The following PTPRD variants were observed in gnomAD, a reference collection of about 807,000 sequenced individuals.
PTPRD encodes the protein protein tyrosine phosphatase receptor type D.
Under a neutral mutation model 214.5 loss-of-function variants are expected in PTPRD, and 34 were observed. The ratio of observed to expected loss-of-function variants is 0.16; its 90% CI spans 0.12 to 0.21. The LOEUF is 0.21. Ranked by LOEUF, PTPRD falls within the 10% of genes least tolerant of loss-of-function variation. The probability of loss-of-function intolerance (pLI) is 1.00; values close to 1 mark genes in which losing one functional copy is unlikely to be tolerated. For synonymous variants in PTPRD, 1,128 were observed against 845.7 expected (o/e 1.33, Z -5.79); for missense variants, 2,545 against 2,398.7 (o/e 1.06, Z -1.27).
At chr9:9,575,742 AAAAAGAAAGAAAG>A (rs2088392246) in intron 7 of PTPRD, among the ~76,000 whole-genome samples, 3 of 140,698 alleles carry the variant, frequency 2.1e-5, no homozygotes, top group Middle Eastern at 3.5e-3. Flanking sequence ...AAAAAAAAAA[AAAAAGAAAGAAAG>A]AAAAAGAAAA....
chr9:8,385,612 A>G (rs1477179166), intron 37 of PTPRD, among the ~76,000 whole-genome samples: 2 of 152,218 alleles, frequency 1.3e-5, no homozygotes, highest in African/African-American at 2.4e-5. Context: ...AGCACCATAA[A>G]ATAACCAAAA....
chr9:9,353,216 A>T (rs558129539), intron 9 of PTPRD, among the ~76,000 whole-genome samples: 1 of 151,872 alleles, frequency 6.6e-6, no homozygotes, highest in African/African-American at 2.4e-5. Context: ...AAAGTGCCAA[A>T]ATATTTTAAT....
chr9:8,488,224 T>C (rs1000721375), intron 27 of PTPRD, among the ~76,000 whole-genome samples: 4 of 152,152 alleles, frequency 2.6e-5, no homozygotes, highest in Admixed American at 2.6e-4. Flanking sequence ...TTTCAGAAAG[T>C]GAAACCCAAG....
chr9:10,032,404 C>G (rs940091331), intron 4 of PTPRD, among the ~76,000 whole-genome samples: 13 of 152,128 alleles, frequency 8.5e-5, no homozygotes, highest in African/African-American at 3.1e-4. Flanking sequence ...TGGAGATATT[C>G]TATGGGACAC....
At chr9:9,567,708 T>G (rs1477097868) in intron 8 of PTPRD, among the ~76,000 whole-genome samples, 1 of 151,974 alleles carries the variant, frequency 6.6e-6, no homozygotes, top group Non-Finnish European at 1.5e-5. Flanking sequence ...GGAACTTGAA[T>G]TTTTTATCCC....
At chr9:9,993,789 T>G (rs2096031049) in intron 4 of PTPRD, among the ~76,000 whole-genome samples, 1 of 152,188 alleles carries the variant, frequency 6.6e-6, no homozygotes, top group Non-Finnish European at 1.5e-5. Flanking sequence ...ATTTTTCTGT[T>G]ATACTTGAAT....
intron 7 of PTPRD, among the ~76,000 whole-genome samples, chr9:9,698,230 A>G (rs917725164): frequency 2.6e-5 from 4 of 152,158 alleles, no homozygotes; most frequent in South Asian, 2.1e-4. Flanking sequence ...CTTCCCATCA[A>G]AGGACTAGTC....
At chr9:10,505,367 G>A (rs556233117) in intron 2 of PTPRD, among the ~76,000 whole-genome samples, 2 of 152,210 alleles carry the variant, frequency 1.3e-5, no homozygotes, top group South Asian at 4.2e-4. Context: ...TCATGAAAGA[G>A]CTGCATAAAA....
At chr9:8,865,551 T>C (rs932965968) in intron 11 of PTPRD, among the ~76,000 whole-genome samples, 6 of 152,206 alleles carry the variant, frequency 3.9e-5, no homozygotes, top group Admixed American at 1.3e-4. Context: ...TCCTGGGCTC[T>C]CATTCTTTTC....
At chr9:8,909,774 T>C (rs1178966083) in intron 11 of PTPRD, among the ~76,000 whole-genome samples, 2 of 138,864 alleles carry the variant, frequency 1.4e-5, no homozygotes, top group African/African-American at 2.7e-5. Flanking sequence ...GAGACAGAGA[T>C]AGAGATAGAG....
intron 11 of PTPRD, among the ~76,000 whole-genome samples, chr9:8,824,434 G>A (rs2097136708): frequency 6.6e-6 from 1 of 152,116 alleles, no homozygotes; most frequent in African/African-American, 2.4e-5. Context: ...GAAGAGCTTC[G>A]TTAGAAAGTG....
chr9:9,132,871 T>C (rs1358922995), intron 10 of PTPRD, among the ~76,000 whole-genome samples: 1 of 152,208 alleles, frequency 6.6e-6, no homozygotes, highest in Non-Finnish European at 1.5e-5. Flanking sequence ...GATTAAGTGC[T>C]ATATAAAAGA....
chr9:9,792,100 C>G (rs1218487138), intron 5 of PTPRD, among the ~76,000 whole-genome samples: 2 of 143,722 alleles, frequency 1.4e-5, no homozygotes, highest in Admixed American at 1.4e-4. Context: ...ATTTGGAGGC[C>G]AGTGAGATTT....
chr9:10,562,329 C>CTT (rs199672347), intron 2 of PTPRD, among the ~76,000 whole-genome samples: 32 of 144,980 alleles, frequency 2.2e-4, no homozygotes, highest in Admixed American at 6.2e-4. Flanking sequence ...TGTTCGTTAA[C>CTT]TTTTTTTTTT....
intron 3 of PTPRD, among the ~76,000 whole-genome samples, chr9:10,312,872 A>C (rs541155760): frequency 1.2e-4 from 19 of 152,014 alleles, no homozygotes; most frequent in African/African-American, 4.6e-4. Context: ...ATGAAATATA[A>C]AATTTCTTGT....
intron 11 of PTPRD, among the ~76,000 whole-genome samples, chr9:8,818,721 G>A (rs909322105): frequency 5.9e-5 from 9 of 152,132 alleles, no homozygotes; most frequent in African/African-American, 1.7e-4. Context: ...TGCTTCTTAC[G>A]CACATATTTA....
chr9:9,770,291 G>C (rs1204278086), intron 5 of PTPRD, among the ~76,000 whole-genome samples: 1 of 152,112 alleles, frequency 6.6e-6, no homozygotes, highest in Non-Finnish European at 1.5e-5. Context: ...ACTTTTTAAT[G>C]ATTGCCATTC....
chr9:8,325,714 G>A (rs1195802308), intron 44 of PTPRD, among the ~76,000 whole-genome samples: 2 of 152,208 alleles, frequency 1.3e-5, no homozygotes, highest in African/African-American at 4.8e-5. Context: ...TCCTATCCGT[G>A]AGCATGGAAT....
chr9:8,973,125 G>A (rs1260122885), intron 11 of PTPRD, among the ~76,000 whole-genome samples: 1 of 151,902 alleles, frequency 6.6e-6, no homozygotes, highest in African/African-American at 2.4e-5. Flanking sequence ...AGACACAGGT[G>A]TCAAATGTAT....
Sources: allele counts gnomAD v4.1 joint callset (sites outside exome capture counted in the v4.1 genomes callset), GRCh38; gene constraint gnomAD v4.1.1; transcripts MANE v1.5; gene names NCBI Gene and HGNC (gene_info 2026-07-23, HGNC 2026-07-21).